Variants in RIC8B observed in about 807,000 individuals in gnomAD.
RIC8B encodes the protein chaperone Ric-8B.
RIC8B carries 16 observed loss-of-function variants against 57.5 expected under a neutral mutation model. The observed-to-expected ratio is 0.28, with a 90% CI of 0.19 to 0.42. The LOEUF (loss-of-function observed/expected upper bound fraction) is 0.42. Among genes scored for constraint, RIC8B ranks in the 10% least tolerant of loss-of-function variants. The pLI is 1.00. For missense variants in RIC8B, 481 were observed against 677.0 expected (o/e 0.71, Z 3.21); for synonymous variants, 216 against 250.8 (o/e 0.86, Z 1.31).
intron 1 of RIC8B, 26 bp from the exon 2 acceptor site, chr12:106,783,971 C>T (rs751622050): frequency 6.2e-7 from 1 of 1,606,848 alleles, no homozygotes; most frequent in Non-Finnish European, 8.5e-7. Context: ...TTTAAAATGA[C>T]ATTGTTTCCC....
At chr12:106,873,209 A>C in intron 9 of RIC8B, 1 of 984,564 alleles carries the variant, frequency 1.0e-6, no homozygotes, top group South Asian at 4.7e-5. Flanking sequence ...AAGCAGAGCA[A>C]ATATGTCTTA....
intron 4 of RIC8B, among the ~76,000 whole-genome samples, chr12:106,826,047 G>C (rs1477779366): frequency 6.6e-6 from 1 of 152,166 alleles, no homozygotes; most frequent in Non-Finnish European, 1.5e-5. Context: ...CAGGAGAAGA[G>C]AATTTGGCAT....
chr12:106,872,727 A>G (rs1950495345), intron 9 of RIC8B, among the ~76,000 whole-genome samples: 1 of 152,152 alleles, frequency 6.6e-6, no homozygotes, highest in Admixed American at 6.5e-5. Flanking sequence ...TGGAGAGGAA[A>G]GGTTAGCAAG....
chr12:106,803,149 T>C (rs1163453912), intron 2 of RIC8B, among the ~76,000 whole-genome samples: 2 of 145,294 alleles, frequency 1.4e-5, no homozygotes, highest in Non-Finnish European at 3.0e-5. Context: ...GAGTTCGAAG[T>C]TACAGTGAGC....
chr12:106,785,161 T>A (rs2043946707), intron 2 of RIC8B, among the ~76,000 whole-genome samples: 2 of 152,260 alleles, frequency 1.3e-5, no homozygotes, highest in Admixed American at 1.3e-4. Flanking sequence ...ATGCCTACTT[T>A]CGCAGCTTAT....
chr12:106,861,134 G>A (rs893064713), intron 8 of RIC8B, among the ~76,000 whole-genome samples: 1 of 151,864 alleles, frequency 6.6e-6, no homozygotes, highest in African/African-American at 2.4e-5. Context: ...CTTAGTTTCC[G>A]CTTATTAGGA....
intron 2 of RIC8B, among the ~76,000 whole-genome samples, chr12:106,795,517 G>A (rs2044438908): frequency 6.6e-6 from 1 of 152,128 alleles, no homozygotes; most frequent in Admixed American, 6.5e-5. Flanking sequence ...AGACTGGTTC[G>A]ATCAGGTATG....
intron 8 of RIC8B, among the ~76,000 whole-genome samples, chr12:106,870,187 A>G (rs754625769): frequency 6.6e-6 from 1 of 152,054 alleles, no homozygotes; most frequent in South Asian, 2.1e-4. Flanking sequence ...TATTAAATCT[A>G]TTTCCAGATA....
intron 2 of RIC8B, among the ~76,000 whole-genome samples, chr12:106,810,156 CTTT>C (rs5800718): frequency 2.9e-5 from 4 of 139,598 alleles, no homozygotes; most frequent in Non-Finnish European, 3.1e-5. Context: ...ATGTTATTTC[CTTT>C]TTTTTTTTTT....
intron 4 of RIC8B, among the ~76,000 whole-genome samples, chr12:106,840,837 G>C (rs577278186): frequency 6.6e-6 from 1 of 152,230 alleles, no homozygotes; most frequent in South Asian, 2.1e-4. Context: ...CTGGTCTCTG[G>C]TAGGTTCAGA....
intron 4 of RIC8B, among the ~76,000 whole-genome samples, chr12:106,827,305 A>G (rs556443347): frequency 6.6e-6 from 1 of 152,314 alleles, no homozygotes; most frequent in East Asian, 1.9e-4. Context: ...AAACAATTCA[A>G]ATAAACTCAT....
At position 106,867,721 on chromosome 12, in the gene RIC8B, G is replaced by C. The variant is rs1950198846; in HGVS notation, c.1452-3102G>C. Among the ~76,000 whole-genome samples, 1 of 152,172 alleles carries C rather than the reference G, an allele frequency of 6.6e-6. No individual in the cohort carries two copies. Among genetic ancestry groups the C allele is most frequent in the Non-Finnish European group, 1.5e-5 (1 of 68,026 alleles). On this transcript the variant is annotated intron_variant, in intron 8 of 9. Coordinates refer to ENST00000392837, the MANE Select transcript of RIC8B (RefSeq NM_001330145.2). This position sits in a 1 kb window ranked among gnomAD's most constrained non-coding sequence, Gnocchi z 4.3. ...GAAGTGGGGAGCGGGAGAAGAGACA[G>C]TGTTCATCTGCCTTCTGCCACAGCA...
intron 2 of RIC8B, among the ~76,000 whole-genome samples, chr12:106,809,803 C>T (rs1412393424): frequency 6.6e-6 from 1 of 151,896 alleles, no homozygotes; most frequent in African/African-American, 2.4e-5. Context: ...GGGTATCCAT[C>T]CTCTCAAACT....
At chr12:106,824,821 C>T (rs1336803390) in intron 3 of RIC8B, among the ~76,000 whole-genome samples, 1 of 151,722 alleles carries the variant, frequency 6.6e-6, no homozygotes, top group East Asian at 1.9e-4. Context: ...GCAGGAGAGT[C>T]GCCTGAACCT....
At chr12:106,820,639 T>TGGTGCATGTCAACCC (rs2045797695) in intron 3 of RIC8B, among the ~76,000 whole-genome samples, 4 of 152,234 alleles carry the variant, frequency 2.6e-5, no homozygotes, top group Non-Finnish European at 5.9e-5. Flanking sequence ...GCAGACATGT[T>TGGTGCATGTCAACCC]AGAAACAGAC....
chr12:106,885,336 TGAAA>T (rs1439616920), intron 9 of RIC8B, among the ~76,000 whole-genome samples: 1 of 148,566 alleles, frequency 6.7e-6, no homozygotes, highest in Non-Finnish European at 1.5e-5. Flanking sequence ...AAAGAAAGAG[TGAAA>T]GAGAGAGAGA....
chr12:106,774,732 C>G lies in RIC8B; in HGVS notation c.-14C>G. On this transcript the variant is annotated 5_prime_UTR_variant, in exon 1 of 10. Coordinates refer to ENST00000392837, the MANE Select transcript of RIC8B (RefSeq NM_001330145.2). ...GGCGCGCAGAGCGGCCGCGGCTCCC[C>G]CGCACCTGCGGCCATGGATGAGGAG... 6.5e-7 allele frequency: 1 copy of G among 1,546,698 alleles called. No individual in the cohort carries two copies. The highest frequency in any genetic ancestry group is 8.7e-7 in the Non-Finnish European group (1 of 1,144,264).
intron 2 of RIC8B, among the ~76,000 whole-genome samples, chr12:106,785,653 C>CT (rs2043969216): frequency 6.6e-6 from 1 of 151,986 alleles, no homozygotes; most frequent in Non-Finnish European, 1.5e-5. Flanking sequence ...ACTAGAATAC[C>CT]TTTTTAGAAC....
chr12:106,848,339 G>A (rs1479856082), intron 6 of RIC8B, among the ~76,000 whole-genome samples: 1 of 152,222 alleles, frequency 6.6e-6, no homozygotes, highest in Non-Finnish European at 1.5e-5. Flanking sequence ...GCCAGATTAT[G>A]TGGAATCCTG....
Sources: allele counts gnomAD v4.1 joint callset (sites outside exome capture counted in the v4.1 genomes callset), GRCh38; gene constraint gnomAD v4.1.1; non-coding constraint Gnocchi (gnomAD v3.1); transcripts MANE v1.5; gene names NCBI Gene and HGNC (gene_info 2026-07-23, HGNC 2026-07-21).